Variants in SYTL3 observed in about 807,000 individuals in gnomAD.
The protein encoded by SYTL3 is synaptotagmin like 3.
A neutral mutation model predicts 82.1 loss-of-function variants in SYTL3; 88 were observed. The observed-to-expected ratio is 1.07, with a 90% CI of 0.90 to 1.28. SYTL3 has a LOEUF of 1.28. Ranked by LOEUF, SYTL3 falls within the 50% of genes most tolerant of loss-of-function variation. The pLI, the probability that SYTL3 is intolerant of heterozygous loss-of-function variation, is 0.00. For synonymous variants in SYTL3, 311 were observed against 289.4 expected, an observed-to-expected ratio of 1.07 and a Z score of -0.76; for missense variants, 831 against 757.6, an observed-to-expected ratio of 1.10 and a Z score of -1.14.
Position 158,663,624 on chromosome 6 carries a change from C to T in SYTL3, c.110+246C>T, listed in dbSNP as rs1789641403. On this transcript the variant is annotated intron_variant, in intron 4 of 17. Transcript: ENST00000611299. ...ATTCATTTAAAACGGTGCCTTTGGG[C>T]GGTAAGTTTGCTGTCTGCCATCTGC... is the stretch of plus-strand genomic sequence containing the variant. 25 of 984,806 alleles carry T rather than the reference C, an allele frequency of 2.5e-5. No homozygotes were observed. In the South Asian group the frequency reaches 3.3e-4, roughly 13 times the overall value. 61.0% of individuals were successfully genotyped at this position (984,806 alleles called of 1,614,324 possible). A position where few individuals can be genotyped will look rare whatever the true frequency, so the allele number is the denominator to read the frequency against.
At chr6:158,753,142 C>T (rs935702480) in intron 13 of SYTL3, among the ~76,000 whole-genome samples, 1 of 136,916 alleles carries the variant, frequency 7.3e-6, no homozygotes, top group Non-Finnish European at 1.5e-5. Flanking sequence ...AGTGCAGTGA[C>T]ATGATCTTGG....
Position 158,658,054 on chromosome 6 carries a change from G to A in SYTL3, c.-636-3215G>A, listed in dbSNP as rs963394754. On this transcript the variant is annotated intron_variant, in intron 2 of 17. Transcript: ENST00000611299. ...ACTACAGGCGCCTGCCACAACACCCGGCTAATTTTTTGTATTTTTAGTAGA... is the reference window on the plus strand; with the variant it reads ...ACTACAGGCGCCTGCCACAACACCCAGCTAATTTTTTGTATTTTTAGTAGA... 1.4e-4 allele frequency among the ~76,000 whole-genome samples: 21 copies of A among 151,934 alleles called. 1 individual carries two copies. The highest frequency in any genetic ancestry group is 1.3e-3 in the Admixed American group (20 of 15,254).
At chr6:158,721,832 T>C (rs1394234662) in intron 10 of SYTL3, among the ~76,000 whole-genome samples, 3 of 151,718 alleles carry the variant, frequency 2.0e-5, no homozygotes, top group Admixed American at 1.3e-4. Flanking sequence ...GGGGTTTTGC[T>C]GTGTTGCCTA....
chr6:158,683,108 C>T, intron 6 of SYTL3, 119 bp downstream of exon 6: 1 of 648,120 alleles, frequency 1.5e-6, no homozygotes, highest in Non-Finnish European at 2.7e-6. Context: ...GCCCCTATGT[C>T]TTGCCATTCC....
At chr6:158,669,667 G>A (rs1008565899) in intron 5 of SYTL3, among the ~76,000 whole-genome samples, 2 of 152,194 alleles carry the variant, frequency 1.3e-5, no homozygotes, top group Admixed American at 6.5e-5. Context: ...AAGTGTGTTC[G>A]GTTGAAAAAT....
At chr6:158,709,204 G>A (rs1046367750) in intron 8 of SYTL3, among the ~76,000 whole-genome samples, 1 of 152,080 alleles carries the variant, frequency 6.6e-6, no homozygotes, top group Non-Finnish European at 1.5e-5. Context: ...CCTCCAGCCT[G>A]GGCAACAGAG....
chr6:158,752,061 G>C (rs911560669), intron 13 of SYTL3, 31 bp downstream of exon 13: 1 of 1,515,360 alleles, frequency 6.6e-7, no homozygotes, highest in South Asian at 1.3e-5. Context: ...CCTGTGCAGA[G>C]TCCTCCCGAG....
intron 6 of SYTL3, among the ~76,000 whole-genome samples, chr6:158,696,785 T>A (rs559198290): frequency 3.8e-4 from 58 of 152,164 alleles, no homozygotes; most frequent in African/African-American, 1.3e-3. Context: ...ACTACAAAGC[T>A]ACAGTAATCA....
chr6:158,743,686 T>C (rs1330579360), intron 11 of SYTL3, among the ~76,000 whole-genome samples: 2 of 144,844 alleles, frequency 1.4e-5, no homozygotes, highest in Non-Finnish European at 3.0e-5. Context: ...CTTCAAGTGA[T>C]CCGCCTGCCT....
rs941682247 is a variant in SYTL3, at chr6:158,663,188, C to G, written c.-81C>G. On this transcript the variant is annotated 5_prime_UTR_variant, in exon 4 of 18. Coordinates refer to ENST00000611299, the MANE Select transcript of SYTL3 (RefSeq NM_001242394.2). ...AAACAAGGCTGGCTGCAGCTGGCCT[C>G]CGCCGCTCATCTGCAGGGCGTGAGC... The G allele has an allele frequency of 7.8e-7, 1 of 1,286,552 alleles. No individual in the cohort carries two copies. 79.7% of individuals were successfully genotyped at this position (1,286,552 alleles called of 1,614,324 possible). A position where few individuals can be genotyped will look rare whatever the true frequency, so the allele number is the denominator to read the frequency against.
chr6:158,660,133 C>T (rs1457599473), intron 2 of SYTL3, among the ~76,000 whole-genome samples: 3 of 152,038 alleles, frequency 2.0e-5, no homozygotes, highest in Non-Finnish European at 4.4e-5. Context: ...GGCGTGGTGG[C>T]GGGCACCTGT....
intron 6 of SYTL3, among the ~76,000 whole-genome samples, chr6:158,699,132 A>G (rs1780877631): frequency 6.6e-6 from 1 of 152,162 alleles, no homozygotes; most frequent in African/African-American, 2.4e-5. Flanking sequence ...AGGCCTAACC[A>G]CACTGATGAT....
intron 5 of SYTL3, among the ~76,000 whole-genome samples, chr6:158,672,955 AG>A (rs1777569890): frequency 6.6e-6 from 1 of 151,852 alleles, no homozygotes; most frequent in Non-Finnish European, 1.5e-5. Context: ...TTTTAGAGAC[AG>A]GGTGTCACTC....
intron 11 of SYTL3, among the ~76,000 whole-genome samples, chr6:158,735,708 G>A (rs1487968851): frequency 1.3e-5 from 2 of 152,058 alleles, no homozygotes; most frequent in Admixed American, 6.5e-5. Context: ...CAACAAATAG[G>A]GAAAATCATT....
intron 6 of SYTL3, among the ~76,000 whole-genome samples, chr6:158,694,071 A>G (rs1780302304): frequency 6.6e-6 from 1 of 152,070 alleles, no homozygotes; most frequent in African/African-American, 2.4e-5. Flanking sequence ...AGATAAACAC[A>G]TCACCACTAA....
chr6:158,745,725 G>C, intron 12 of SYTL3, 67 bp downstream of exon 12: 1 of 1,211,262 alleles, frequency 8.3e-7, no homozygotes, highest in Non-Finnish European at 1.1e-6. Flanking sequence ...AAAAGTAAAA[G>C]TCTAAGAATA....
chr6:158,660,049 G>A (rs1445558167), intron 2 of SYTL3, among the ~76,000 whole-genome samples: 1 of 151,846 alleles, frequency 6.6e-6, no homozygotes, highest in Non-Finnish European at 1.5e-5. Flanking sequence ...CCGAGGGCCT[G>A]AGGTCAGGAG....
In SYTL3 at chr6:158,764,681, A is replaced by ACCT; in HGVS notation, c.*77_*78insCCT. ...TGCAGAGGGGCTACGAACCAGGTGC[A>ACCT]GGGTCCCAGCTGGAGACCCCTTTGA... On this transcript the variant is annotated 3_prime_UTR_variant, in exon 18 of 18. Transcript: ENST00000611299. 9.3e-7 allele frequency: 1 copy of ACCT among 1,070,262 alleles called. No individual in the cohort carries two copies. The highest frequency in any genetic ancestry group is 1.4e-6 in the Non-Finnish European group (1 of 692,414). The allele number at this position is 1,070,262 out of a possible 1,614,324, so 66.3% of individuals were successfully genotyped here.
At chr6:158,761,185 GAGGGTCCTC>G (rs1281851961) in intron 15 of SYTL3, among the ~76,000 whole-genome samples, 1 of 152,182 alleles carries the variant, frequency 6.6e-6, no homozygotes, top group Non-Finnish European at 1.5e-5. Context: ...GGTCAGGAGG[GAGGGTCCTC>G]AGGGACCCTA....
Sources: gnomAD v4.1 joint callset for allele counts (sites outside exome capture counted in the v4.1 genomes callset) on GRCh38, gnomAD v4.1.1 for gene constraint, MANE v1.5 for transcripts, NCBI Gene and HGNC (gene_info 2026-07-23, HGNC 2026-07-21) for gene names.